The following CHL1 variants were observed in gnomAD, a reference collection of about 807,000 sequenced individuals.
CHL1 encodes neural cell adhesion molecule L1-like protein.
A neutral mutation model predicts 141.9 loss-of-function variants in CHL1; 96 were observed. That is an observed-to-expected ratio of 0.68 (90% CI 0.57 to 0.80). CHL1 has a LOEUF of 0.80. Ranked by LOEUF, CHL1 falls within the 30% of genes least tolerant of loss-of-function variation. The pLI, the probability that CHL1 is intolerant of heterozygous loss-of-function variation, is 0.00. For missense variants in CHL1, 1,820 were observed against 1,457.2 expected (o/e 1.25, Z -4.05); for synonymous variants, 613 against 502.2 (o/e 1.22, Z -2.95).
intron 2 of CHL1, among the ~76,000 whole-genome samples, chr3:304,687 A>G: frequency 6.6e-6 from 1 of 151,966 alleles, no homozygotes; most frequent in South Asian, 2.1e-4. Context: ...TTTTCAATAA[A>G]CCAGCTCCTG....
At chr3:300,326 T>G (rs1236046409) in intron 2 of CHL1, among the ~76,000 whole-genome samples, 18 of 152,136 alleles carry the variant, frequency 1.2e-4, no homozygotes, top group Admixed American at 1.2e-3. Context: ...TAAAGTTTTT[T>G]GTTTGAGTTG....
At chr3:343,777 C>G (rs1219314444) in intron 8 of CHL1, among the ~76,000 whole-genome samples, 1 of 152,174 alleles carries the variant, frequency 6.6e-6, no homozygotes, top group South Asian at 2.1e-4. Flanking sequence ...TGGACTGATT[C>G]ATCCCCAACA....
intron 1 of CHL1, among the ~76,000 whole-genome samples, chr3:225,112 T>C (rs1211207536): frequency 6.6e-6 from 1 of 152,170 alleles, no homozygotes; most frequent in Non-Finnish European, 1.5e-5. Flanking sequence ...CCAGCCTGAG[T>C]GACAGAGTGA....
chr3:338,270 C>T (rs1265722294), intron 5 of CHL1, among the ~76,000 whole-genome samples: 2 of 152,110 alleles, frequency 1.3e-5, no homozygotes, highest in Non-Finnish European at 2.9e-5. Flanking sequence ...TGATGAAGTA[C>T]CCATGTGAAA....
chr3:273,063 C>T (rs1480022786), intron 2 of CHL1, among the ~76,000 whole-genome samples: 1 of 152,170 alleles, frequency 6.6e-6, no homozygotes, highest in Non-Finnish European at 1.5e-5. Flanking sequence ...ACTGACATCT[C>T]TGCGAAGATC....
At chr3:271,397 C>T (rs955167078) in intron 2 of CHL1, among the ~76,000 whole-genome samples, 2 of 152,174 alleles carry the variant, frequency 1.3e-5, no homozygotes, top group Admixed American at 1.3e-4. Context: ...TGTGATTACA[C>T]CACTGCACTC....
intron 13 of CHL1, among the ~76,000 whole-genome samples, chr3:362,362 AGT>A (rs1406604342): frequency 6.6e-6 from 1 of 152,216 alleles, no homozygotes; most frequent in Admixed American, 6.5e-5. Context: ...TCTGTAGGGC[AGT>A]GTGAGATGAG....
intron 2 of CHL1, among the ~76,000 whole-genome samples, chr3:304,547 T>A (rs1699058358): frequency 6.6e-6 from 1 of 152,234 alleles, no homozygotes; most frequent in Non-Finnish European, 1.5e-5. Flanking sequence ...TATAGTATCC[T>A]CTGATGGTAG....
chr3:220,538 A>T (rs1375318150), intron 1 of CHL1, among the ~76,000 whole-genome samples: 1 of 152,078 alleles, frequency 6.6e-6, no homozygotes, highest in Non-Finnish European at 1.5e-5. Context: ...AAAAAGGTCC[A>T]TGCATAATTT....
At chr3:301,061 A>G (rs935003525) in intron 2 of CHL1, among the ~76,000 whole-genome samples, 2 of 152,204 alleles carry the variant, frequency 1.3e-5, no homozygotes, top group African/African-American at 4.8e-5. Context: ...TGTTCTGAGT[A>G]ATGACATGCC....
intron 2 of CHL1, among the ~76,000 whole-genome samples, chr3:295,446 T>A (rs988608086): frequency 2.0e-5 from 3 of 152,162 alleles, no homozygotes; most frequent in African/African-American, 7.2e-5. Flanking sequence ...ATAAAAGTGA[T>A]ACAATCATCA....
At chr3:266,787 G>A (rs1695196014) in intron 2 of CHL1, among the ~76,000 whole-genome samples, 1 of 152,198 alleles carries the variant, frequency 6.6e-6, no homozygotes, top group Admixed American at 6.5e-5. Flanking sequence ...GATTAGCAAG[G>A]CAGCACTTCC....
chr3:243,250 A>G (rs1574838109), intron 1 of CHL1, among the ~76,000 whole-genome samples: 1 of 152,204 alleles, frequency 6.6e-6, no homozygotes, highest in South Asian at 2.1e-4. Context: ...CGTAACACAC[A>G]TAGGATGCTG....
intron 2 of CHL1, among the ~76,000 whole-genome samples, chr3:260,597 C>G (rs1156406810): frequency 6.6e-6 from 1 of 152,182 alleles, no homozygotes; most frequent in African/African-American, 2.4e-5. Flanking sequence ...CAGGCACTTG[C>G]AGACTGCCAT....
At chr3:271,785 A>G (rs1695656853) in intron 2 of CHL1, among the ~76,000 whole-genome samples, 1 of 152,186 alleles carries the variant, frequency 6.6e-6, no homozygotes, top group Non-Finnish European at 1.5e-5. Context: ...GTGAACATTG[A>G]TGAATGTGGG....
intron 24 of CHL1, among the ~76,000 whole-genome samples, chr3:397,189 A>G (rs1708748607): frequency 6.6e-6 from 1 of 152,100 alleles, no homozygotes; most frequent in Non-Finnish European, 1.5e-5. Flanking sequence ...TGCACTACTT[A>G]ATGTTATACT....
At position 380,098 on chromosome 3, in the gene CHL1, C is replaced by T. The variant is rs116610957; in HGVS notation, c.1877-2081C>T. ...AGATTTTAATATCAGATGCAATACA[C>T]AGCCTTAGTTTATTCCAGGAAGCTT... is the stretch of plus-strand genomic sequence containing the variant. On this transcript the variant is annotated intron_variant, in intron 16 of 27. Coordinates refer to ENST00000256509, the MANE Select transcript of CHL1 (RefSeq NM_006614.4). Among the ~76,000 whole-genome samples, 105 of 152,334 alleles carry T rather than the reference C, an allele frequency of 6.9e-4. 1 individual carries two copies. Among genetic ancestry groups the T allele is most frequent in the African/African-American group, 2.5e-3 (102 of 41,574 alleles).
chr3:387,614 T>C (rs1180226433), intron 19 of CHL1, among the ~76,000 whole-genome samples: 1 of 152,216 alleles, frequency 6.6e-6, no homozygotes, highest in East Asian at 1.9e-4. Flanking sequence ...GTAAAATGAA[T>C]AATATTATTT....
intron 3 of CHL1, among the ~76,000 whole-genome samples, chr3:321,020 T>A (rs1474063982): frequency 6.6e-6 from 1 of 152,092 alleles, no homozygotes; most frequent in Non-Finnish European, 1.5e-5. Flanking sequence ...CTTAGAAAAG[T>A]GTTGGGACTT....
Sources: allele counts gnomAD v4.1 joint callset (sites outside exome capture counted in the v4.1 genomes callset), GRCh38; gene constraint gnomAD v4.1.1; transcripts MANE v1.5; gene names NCBI Gene and HGNC (gene_info 2026-07-23, HGNC 2026-07-21).